The following ATRNL1 variants were observed in gnomAD, a reference collection of about 807,000 sequenced individuals.
The protein encoded by ATRNL1 is attractin like 1, also known as attractin-like protein 1.
In ATRNL1, 95 loss-of-function variants were observed where a neutral mutation model predicts 182.7. The ratio of observed to expected loss-of-function variants is 0.52; its 90% CI spans 0.44 to 0.62. The LOEUF (loss-of-function observed/expected upper bound fraction) is 0.62, where lower values mean the gene tolerates loss of function less well. ATRNL1 is among the 20% of genes least tolerant of loss of function. ATRNL1 has a pLI of 0.00. For missense variants in ATRNL1, 1,471 were observed against 1,679.5 expected (o/e 0.88, Z 2.17); for synonymous variants, 576 against 568.3 (o/e 1.01, Z -0.19).
chr10:115,557,405 A>G (rs948952159), intron 26 of ATRNL1, among the ~76,000 whole-genome samples: 1 of 152,136 alleles, frequency 6.6e-6, no homozygotes, highest in Admixed American at 6.5e-5. Flanking sequence ...CAGAGAGAAG[A>G]CAAGCACCCA....
chr10:115,462,541 G>A (rs1415867792), intron 22 of ATRNL1, among the ~76,000 whole-genome samples: 1 of 152,056 alleles, frequency 6.6e-6, no homozygotes, highest in Non-Finnish European at 1.5e-5. Flanking sequence ...GAACCCAGGA[G>A]GTGGAGGTTG....
At position 115,154,700 on chromosome 10, in the gene ATRNL1, A is replaced by G. The variant is rs965798246; in HGVS notation, c.830-5340A>G. ...TTGAAATGTTCTGTAAATGTCTGCTAGGTCCATTTGGTCTAATGTGCAGTT... is the reference window on the plus strand; with the variant it reads ...TTGAAATGTTCTGTAAATGTCTGCTGGGTCCATTTGGTCTAATGTGCAGTT... On this transcript the variant is annotated intron_variant, in intron 5 of 28. Transcript: ENST00000355044. 4.6e-5 allele frequency among the ~76,000 whole-genome samples: 7 copies of G among 152,130 alleles called. No homozygotes were observed. In the South Asian group the frequency reaches 6.2e-4, roughly 13 times the overall value.
chr10:115,829,216 T>C (rs1950506609), intron 27 of ATRNL1, among the ~76,000 whole-genome samples: 1 of 152,322 alleles, frequency 6.6e-6, no homozygotes, highest in South Asian at 2.1e-4. Flanking sequence ...GATAATCCTT[T>C]ATCTCTACAG....
intron 25 of ATRNL1, among the ~76,000 whole-genome samples, chr10:115,520,458 G>A (rs1278552808): frequency 2.0e-5 from 3 of 152,136 alleles, no homozygotes; most frequent in South Asian, 2.1e-4. Flanking sequence ...TGTTAAAGCA[G>A]ACAAAGCCAA....
At chr10:115,144,497 T>G (rs1845891896) in intron 5 of ATRNL1, among the ~76,000 whole-genome samples, 1 of 151,984 alleles carries the variant, frequency 6.6e-6, no homozygotes, top group Admixed American at 6.6e-5. Context: ...TTTCACTACG[T>G]TGGCCAGGCT....
intron 19 of ATRNL1, among the ~76,000 whole-genome samples, chr10:115,341,279 G>A (rs1341451188): frequency 6.6e-6 from 1 of 151,842 alleles, no homozygotes; most frequent in Non-Finnish European, 1.5e-5. Flanking sequence ...TTGACCCTCT[G>A]GTCATTCAGG....
chr10:115,341,676 T>C (rs1330184641), intron 19 of ATRNL1, among the ~76,000 whole-genome samples: 1 of 152,164 alleles, frequency 6.6e-6, no homozygotes, highest in Non-Finnish European at 1.5e-5. Flanking sequence ...ATATTTGCTT[T>C]ATATATCTAG....
In ATRNL1 at chr10:115,792,716, T is replaced by C. The variant is rs1261474225; in HGVS notation, c.3904-55161T>C. On this transcript the variant is annotated intron_variant, in intron 27 of 28. Coordinates refer to ENST00000355044, the MANE Select transcript of ATRNL1 (RefSeq NM_207303.4). The stretch of plus-strand genomic sequence containing the variant: ...AAATATAAGTTTTTCTTTAGTTTTT[T>C]CATTTATTAGCTTCAGCATTTTTCA... Among the ~76,000 whole-genome samples the C allele has an allele frequency of 3.9e-5, 6 of 152,074 alleles. No individual in the cohort carries two copies. The East Asian group carries it at 5.8e-4, about 15-fold the overall frequency.
At chr10:115,210,866 G>A (rs936491301) in intron 8 of ATRNL1, among the ~76,000 whole-genome samples, 26 of 151,716 alleles carry the variant, frequency 1.7e-4, no homozygotes, top group African/African-American at 5.8e-4. Flanking sequence ...GGTGAGATGT[G>A]GAAACCTTGC....
chr10:115,721,265 TG>T (rs1947414957), intron 26 of ATRNL1, among the ~76,000 whole-genome samples: 2 of 152,210 alleles, frequency 1.3e-5, no homozygotes, highest in South Asian at 4.1e-4. Flanking sequence ...TCCGTTATTT[TG>T]ACCTTTTGGT....
At chr10:115,834,233 A>G (rs999163766) in intron 27 of ATRNL1, among the ~76,000 whole-genome samples, 11 of 152,228 alleles carry the variant, frequency 7.2e-5, no homozygotes, top group Admixed American at 2.0e-4. Context: ...GCATCCCATT[A>G]GAAACTACTT....
intron 24 of ATRNL1, among the ~76,000 whole-genome samples, chr10:115,510,086 G>A (rs1850312895): frequency 6.6e-6 from 1 of 152,032 alleles, no homozygotes; most frequent in Non-Finnish European, 1.5e-5. Context: ...GTTTGGAGAT[G>A]TACGGAATTG....
At chr10:115,735,139 T>A (rs1288873205) in intron 27 of ATRNL1, among the ~76,000 whole-genome samples, 1 of 152,242 alleles carries the variant, frequency 6.6e-6, no homozygotes, top group Non-Finnish European at 1.5e-5. Flanking sequence ...CAGTTGTTCT[T>A]CGCCTTCAGA....
chr10:115,207,077 C>T (rs1848826725), intron 8 of ATRNL1, among the ~76,000 whole-genome samples: 1 of 152,148 alleles, frequency 6.6e-6, no homozygotes, highest in Non-Finnish European at 1.5e-5. Context: ...TTTTCTTAAT[C>T]CAGTCTATCA....
chr10:115,146,802 C>CTTT (rs35914807), intron 5 of ATRNL1, among the ~76,000 whole-genome samples: 59 of 145,722 alleles, frequency 4.0e-4, no homozygotes, highest in Non-Finnish European at 5.1e-4. Context: ...TGATTTCATT[C>CTTT]TTTTTTTTTT....
At chr10:115,272,839 G>A (rs543625404) in intron 13 of ATRNL1, among the ~76,000 whole-genome samples, 2 of 152,262 alleles carry the variant, frequency 1.3e-5, no homozygotes, top group Admixed American at 1.3e-4. Flanking sequence ...GTGAGCATAG[G>A]CCCATTGCTG....
chr10:115,782,463 TTTG>T (rs1297208957), intron 27 of ATRNL1, among the ~76,000 whole-genome samples: 1 of 152,132 alleles, frequency 6.6e-6, no homozygotes, highest in East Asian at 1.9e-4. Context: ...AACTTGACAT[TTTG>T]TTGTTAAGCC....
Position 115,405,523 on chromosome 10 carries a change from A to C in ATRNL1, c.3269+10771A>C, listed in dbSNP as rs1202903339. Reference sequence around the variant, plus strand: ...CTTGTTTTGGCAATTTGCCGGTGCAAATATGATATCCTTTCTTTATTGTTA... The same window carrying C: ...CTTGTTTTGGCAATTTGCCGGTGCACATATGATATCCTTTCTTTATTGTTA... On this transcript the variant is annotated intron_variant, in intron 20 of 28. Transcript: ENST00000355044. Among the ~76,000 whole-genome samples the C allele has an allele frequency of 2.0e-5, 3 of 152,270 alleles. No individual in the cohort carries two copies. In the South Asian group the frequency reaches 6.2e-4, roughly 32 times the overall value.
At chr10:115,445,304 C>T (rs551787826) in intron 21 of ATRNL1, among the ~76,000 whole-genome samples, 11 of 151,066 alleles carry the variant, frequency 7.3e-5, no homozygotes, top group East Asian at 6.1e-4. Context: ...TGGGGGCACA[C>T]GCCTGTAATC....
Sources: gnomAD v4.1 joint callset for allele counts (sites outside exome capture counted in the v4.1 genomes callset) on GRCh38, gnomAD v4.1.1 for gene constraint, MANE v1.5 for transcripts, NCBI Gene and HGNC (gene_info 2026-07-23, HGNC 2026-07-21) for gene names.